RBFOX1: variants seen among roughly 807,000 people sequenced by gnomAD.
RBFOX1 encodes the protein RNA binding fox-1 homolog 1.
In RBFOX1, 8 loss-of-function variants were observed where a neutral mutation model predicts 57.7. The observed-to-expected ratio is 0.14, with a 90% confidence interval of 0.08 to 0.25. The LOEUF (loss-of-function observed/expected upper bound fraction) is 0.25. RBFOX1 is among the 10% of genes least tolerant of loss of function. The pLI, the probability that RBFOX1 is intolerant of heterozygous loss-of-function variation, is 1.00. For missense variants in RBFOX1, 611 were observed against 548.5 expected (o/e 1.11, Z -1.14); for synonymous variants, 326 against 222.4 (o/e 1.47, Z -4.15).
intron 1 of RBFOX1, among the ~76,000 whole-genome samples, chr16:5,434,831 G>T (rs941370376): frequency 9.2e-5 from 14 of 152,046 alleles, no homozygotes; most frequent in African/African-American, 3.1e-4. Flanking sequence ...CCTGCCTAAT[G>T]TTAAATAGTG....
At chr16:6,753,678 C>T (rs998697437) in intron 3 of RBFOX1, among the ~76,000 whole-genome samples, 18 of 152,154 alleles carry the variant, frequency 1.2e-4, no homozygotes, top group East Asian at 7.7e-4. Flanking sequence ...TCTGTCTCCC[C>T]GTGAGAAGCC....
chr16:7,175,919 C>G (rs960293808), intron 4 of RBFOX1, among the ~76,000 whole-genome samples: 5 of 151,992 alleles, frequency 3.3e-5, no homozygotes, highest in African/African-American at 1.2e-4. Flanking sequence ...GAAACAGACA[C>G]CAATTCCTCT....
intron 2 of RBFOX1, among the ~76,000 whole-genome samples, chr16:5,534,684 T>A (rs991851255): frequency 6.6e-6 from 1 of 152,146 alleles, no homozygotes; most frequent in South Asian, 2.1e-4. Context: ...GGGTGGGTCT[T>A]CCTTTCCCAG....
At chr16:5,644,021 G>A (rs953007828) in intron 3 of RBFOX1, among the ~76,000 whole-genome samples, 6 of 152,098 alleles carry the variant, frequency 3.9e-5, no homozygotes, top group Admixed American at 3.3e-4. Flanking sequence ...ACAACAAAAC[G>A]TGCAGACTGC....
chr16:6,488,826 T>G (rs1422660451), intron 2 of RBFOX1, among the ~76,000 whole-genome samples: 6 of 152,162 alleles, frequency 3.9e-5, no homozygotes, highest in Admixed American at 6.5e-5. Context: ...ACAAATTACC[T>G]GGCCCCAAAC....
At chr16:5,649,825 G>C (rs554036529) in intron 3 of RBFOX1, among the ~76,000 whole-genome samples, 83 of 152,298 alleles carry the variant, frequency 5.4e-4, no homozygotes, top group African/African-American at 1.9e-3. Context: ...ATTTGATCCA[G>C]GTGTTTTCAG....
chr16:5,579,013 A>G (rs1372775681), intron 2 of RBFOX1, among the ~76,000 whole-genome samples: 1 of 151,720 alleles, frequency 6.6e-6, no homozygotes, highest in Non-Finnish European at 1.5e-5. Context: ...ACGCCCGGCT[A>G]ATTTTTGTAT....
At chr16:5,630,713 G>C (rs147105006) in intron 3 of RBFOX1, among the ~76,000 whole-genome samples, 2 of 152,118 alleles carry the variant, frequency 1.3e-5, no homozygotes, top group Non-Finnish European at 2.9e-5. Flanking sequence ...CCTGATGGAC[G>C]TGGGCTTGTC....
intron 3 of RBFOX1, among the ~76,000 whole-genome samples, chr16:6,670,989 G>A (rs1444681871): frequency 6.6e-6 from 1 of 152,134 alleles, no homozygotes; most frequent in African/African-American, 2.4e-5. Context: ...GACAGAGCGA[G>A]ACTCCATCTC....
intron 3 of RBFOX1, among the ~76,000 whole-genome samples, chr16:5,853,244 G>T (rs1367655606): frequency 6.6e-6 from 1 of 152,126 alleles, no homozygotes; most frequent in Non-Finnish European, 1.5e-5. Context: ...TCCTGGAGTT[G>T]AACAGCTCCC....
At chr16:7,244,359 C>T (rs1048942426) in intron 4 of RBFOX1, among the ~76,000 whole-genome samples, 1 of 151,996 alleles carries the variant, frequency 6.6e-6, no homozygotes, top group Admixed American at 6.6e-5. Flanking sequence ...CTTCTTCAAA[C>T]CCTCAAGATG....
At chr16:7,142,610 C>G (rs760946437) in intron 4 of RBFOX1, among the ~76,000 whole-genome samples, 15 of 152,144 alleles carry the variant, frequency 9.9e-5, no homozygotes, top group Non-Finnish European at 2.1e-4. Flanking sequence ...CCCTTATCTA[C>G]TCATCTTCTG....
In RBFOX1 at chr16:6,193,942, C is replaced by T. The variant is rs190119318; in HGVS notation, c.-126-123053C>T. Among the ~76,000 whole-genome samples, 66 of 152,272 alleles carry T rather than the reference C, an allele frequency of 4.3e-4. 1 individual carries two copies. The highest frequency in any genetic ancestry group is 1.0e-3 in the African/African-American group (43 of 41,550). On this transcript the variant is annotated intron_variant, in intron 1 of 15. Transcript: ENST00000550418. The stretch of plus-strand genomic sequence containing the variant: ...CGAAGTTGCTCTCCAAGGTTCTGAC[C>T]TCCGCCTCTTGGCTTTCCATTGTGT...
intron 2 of RBFOX1, among the ~76,000 whole-genome samples, chr16:6,523,997 G>T (rs749827535): frequency 1.5e-4 from 23 of 151,988 alleles, no homozygotes; most frequent in Admixed American, 7.2e-4. Flanking sequence ...TATCCTTTGT[G>T]GTATAAATAA....
intron 2 of RBFOX1, among the ~76,000 whole-genome samples, chr16:6,606,822 G>T (rs184824118): frequency 6.6e-6 from 1 of 152,126 alleles, no homozygotes; most frequent in African/African-American, 2.4e-5. Context: ...GAACATACGC[G>T]TGCATGTATC....
intron 1 of RBFOX1, among the ~76,000 whole-genome samples, chr16:6,116,733 C>A (rs1164105735): frequency 6.6e-6 from 1 of 152,170 alleles, no homozygotes; most frequent in African/African-American, 2.4e-5. Flanking sequence ...TTTGCAAGTA[C>A]ACATACCTCA....
intron 2 of RBFOX1, among the ~76,000 whole-genome samples, chr16:5,581,507 G>A (rs1459242796): frequency 6.6e-6 from 1 of 152,214 alleles, no homozygotes; most frequent in Non-Finnish European, 1.5e-5. Flanking sequence ...GTATACACAA[G>A]TAACTAATTA....
chr16:7,100,750 A>C (rs948959193), intron 4 of RBFOX1, among the ~76,000 whole-genome samples: 2 of 152,160 alleles, frequency 1.3e-5, no homozygotes, highest in Non-Finnish European at 2.9e-5. Context: ...GGGGGAAAAA[A>C]GATCCAATGG....
chr16:6,413,153 C>G (rs554838475), intron 2 of RBFOX1, among the ~76,000 whole-genome samples: 1 of 152,030 alleles, frequency 6.6e-6, no homozygotes, highest in Non-Finnish European at 1.5e-5. Context: ...AACCCTGTCT[C>G]TACTAAAAAT....
Sources: allele counts gnomAD v4.1 joint callset (sites outside exome capture counted in the v4.1 genomes callset), GRCh38; gene constraint gnomAD v4.1.1; transcripts MANE v1.5; gene names NCBI Gene and HGNC (gene_info 2026-07-23, HGNC 2026-07-21).